The following TMLHE variants were observed in gnomAD, a reference collection of about 807,000 sequenced individuals.
The protein encoded by TMLHE is trimethyllysine hydroxylase, epsilon, also known as trimethyllysine dioxygenase, mitochondrial.
In TMLHE, 18 loss-of-function variants were observed where a neutral mutation model predicts 25.7. The observed-to-expected ratio is 0.70, with a 90% confidence interval of 0.48 to 1.04. The LOEUF is 1.04. TMLHE is among the 50% of genes least tolerant of loss of function. The pLI is 0.00. For missense variants in TMLHE, 236 were observed against 259.0 expected (o/e 0.91, Z 0.61); for synonymous variants, 105 against 97.0 (o/e 1.08, Z -0.49).
intron 1 of TMLHE, among the ~76,000 whole-genome samples, chrX:155,550,213 A>AT (rs1294345939): frequency 3.7e-5 from 4 of 109,462 alleles, no homozygotes; most frequent in East Asian, 2.8e-4. Flanking sequence ...TCGTAGAATG[A>AT]TTTTTTTTTG....
chrX:155,544,883 C>T (rs2067333866), intron 2 of TMLHE, among the ~76,000 whole-genome samples: 1 of 111,387 alleles, frequency 9.0e-6, no homozygotes, highest in Non-Finnish European at 1.9e-5. Flanking sequence ...GAGGTCCTGT[C>T]AACTCCACAA....
chrX:155,516,124 G>GTCATC (rs1569561904), intron 3 of TMLHE, among the ~76,000 whole-genome samples: 1 of 44,834 alleles, frequency 2.2e-5, no homozygotes, highest in Non-Finnish European at 4.2e-5. Flanking sequence ...CCACTAATGT[G>GTCATC]TCATCTAGCA....
intron 1 of TMLHE, among the ~76,000 whole-genome samples, chrX:155,569,359 T>C (rs2067532798): frequency 1.7e-5 from 1 of 57,486 alleles, no homozygotes; most frequent in Admixed American, 2.0e-4. Context: ...CTACATCGTA[T>C]TGGTATACCT....
chrX:155,511,578 AT>A (rs2067113262), intron 5 of TMLHE, 94 bp downstream of exon 5: 1 of 888,821 alleles, frequency 1.1e-6, no homozygotes, highest in Non-Finnish European at 1.5e-6. Context: ...AGGAGCAGAT[AT>A]GATCTTGGTT....
At chrX:155,590,971 GAC>G (rs2067690646) in intron 1 of TMLHE, among the ~76,000 whole-genome samples, 1 of 111,100 alleles carries the variant, frequency 9.0e-6, no homozygotes, top group African/African-American at 3.3e-5. Context: ...TACTATGAGA[GAC>G]ACGCTTTACA....
intron 2 of TMLHE, among the ~76,000 whole-genome samples, chrX:155,536,135 C>T (rs782124618): frequency 9.0e-5 from 10 of 111,494 alleles, no homozygotes; most frequent in Non-Finnish European, 1.7e-4. Flanking sequence ...CTATGTATTT[C>T]CTAAAAGAAT....
At chrX:155,586,427 T>C (rs1289539183) in intron 1 of TMLHE, among the ~76,000 whole-genome samples, 7 of 110,642 alleles carry the variant, frequency 6.3e-5, no homozygotes, top group Admixed American at 4.8e-4. Flanking sequence ...AAAGTACAAA[T>C]ATTTCAAATA....
intron 5 of TMLHE, among the ~76,000 whole-genome samples, chrX:155,511,002 A>C (rs113785662): frequency 9.0e-6 from 1 of 111,189 alleles, no homozygotes; most frequent in Non-Finnish European, 1.9e-5. Flanking sequence ...GATGGCCAGT[A>C]ATGATGAGCA....
At chrX:155,509,743 C>T (rs1161006293) in intron 5 of TMLHE, among the ~76,000 whole-genome samples, 1 of 111,402 alleles carries the variant, frequency 9.0e-6, no homozygotes, top group Non-Finnish European at 1.9e-5. Flanking sequence ...TCAGTGTAAC[C>T]ATGAGCAATT....
chrX:155,538,822 C>T (rs782474303), intron 2 of TMLHE, among the ~76,000 whole-genome samples: 4 of 111,669 alleles, frequency 3.6e-5, no homozygotes, highest in South Asian at 7.5e-4. Flanking sequence ...CTATTCCTCT[C>T]TTTTGCATCA....
At chrX:155,534,872 A>G (rs1205489588) in intron 2 of TMLHE, among the ~76,000 whole-genome samples, 3 of 111,811 alleles carry the variant, frequency 2.7e-5, no homozygotes, top group Admixed American at 9.5e-5. Flanking sequence ...CTAATCCCCA[A>G]TGTGATGGTA....
intron 1 of TMLHE, among the ~76,000 whole-genome samples, chrX:155,559,517 C>G (rs1380497333): frequency 9.0e-6 from 1 of 111,319 alleles, no homozygotes; most frequent in Non-Finnish European, 1.9e-5. Context: ...GAGTCTAAAG[C>G]CATCGTAATG....
rs1383759368 is a variant in TMLHE at position 155,548,484 on chromosome X, C to T, written c.-1-3207G>A. Reference sequence around the variant, plus strand: ...GGCACGGTGGCTCATGCCTGAAATCCCAGCACTTTGGGAGGTCAAGGCGGG... The same window carrying T: ...GGCACGGTGGCTCATGCCTGAAATCTCAGCACTTTGGGAGGTCAAGGCGGG... On this transcript the variant is annotated intron_variant, in intron 1 of 7. Coordinates refer to ENST00000334398, the MANE Select transcript of TMLHE (RefSeq NM_018196.4). Among the ~76,000 whole-genome samples the T allele has an allele frequency of 2.7e-5, 3 of 110,305 alleles. No individual in the cohort carries two copies. In the South Asian group the frequency reaches 1.1e-3, roughly 42 times the overall value.
intron 2 of TMLHE, among the ~76,000 whole-genome samples, chrX:155,539,849 T>C (rs1409560459): frequency 9.1e-6 from 1 of 110,001 alleles, no homozygotes; most frequent in Non-Finnish European, 1.9e-5. Flanking sequence ...AATAAAAGTA[T>C]AAAGAAGAAT....
chrX:155,535,648 T>C (rs1386444567), intron 2 of TMLHE, among the ~76,000 whole-genome samples: 1 of 112,165 alleles, frequency 8.9e-6, no homozygotes, highest in Admixed American at 9.4e-5. Context: ...GCAGAAACTC[T>C]TTTTTTCATC....
chrX:155,523,871 ATT>A (rs2067203342), intron 3 of TMLHE, among the ~76,000 whole-genome samples: 1 of 111,589 alleles, frequency 9.0e-6, no homozygotes. Flanking sequence ...TCCTATACAT[ATT>A]TTGTTAGATT....
At chrX:155,560,597 TCTG>T (rs1557341705) in intron 1 of TMLHE, among the ~76,000 whole-genome samples, 1 of 43,799 alleles carries the variant, frequency 2.3e-5, no homozygotes, top group African/African-American at 4.3e-5. Context: ...CATAAGGATA[TCTG>T]GGGTAAAGTA....
Position 155,491,486 on chromosome X carries a change from T to A in TMLHE, c.*49A>T. On this transcript the variant is annotated 3_prime_UTR_variant, in exon 8 of 8. Transcript: ENST00000334398. ...CAATATTATTCTGCCCATATGAAAT[T>A]CTGGTAGCCAGGGTGCCAGGTGTAT... 9.4e-6 allele frequency: 1 copy of A among 105,958 alleles called. No homozygotes were observed. Among genetic ancestry groups the A allele is most frequent in the South Asian group, 1.2e-4 (1 of 8,074 alleles). The allele number at this position is 105,958 out of a possible 1,213,427, so 8.7% of individuals were successfully genotyped here.
chrX:155,537,996 T>C (rs782695856), intron 2 of TMLHE, among the ~76,000 whole-genome samples: 63 of 111,658 alleles, frequency 5.6e-4, no homozygotes, highest in Non-Finnish European at 1.0e-3. Flanking sequence ...GTATGTAACG[T>C]CAACTCTGTT....
Sources: allele counts gnomAD v4.1 joint callset (sites outside exome capture counted in the v4.1 genomes callset), GRCh38; gene constraint gnomAD v4.1.1; transcripts MANE v1.5; gene names NCBI Gene and HGNC (gene_info 2026-07-23, HGNC 2026-07-21).